Variants in SIK3 observed in about 807,000 individuals in gnomAD.
The protein encoded by SIK3 is SIK family kinase 3.
SIK3 carries 28 observed loss-of-function variants against 144.2 expected under a neutral mutation model. That is an observed-to-expected ratio of 0.19 (90% CI 0.14 to 0.27). The LOEUF (loss-of-function observed/expected upper bound fraction) is 0.27. SIK3 is among the 10% of genes least tolerant of loss of function. The pLI is 1.00. For synonymous variants in SIK3, 686 were observed against 676.3 expected, an observed-to-expected ratio of 1.01 and a Z score of -0.22; for missense variants, 1,319 against 1,776.0, an observed-to-expected ratio of 0.74 and a Z score of 4.62.
intron 1 of SIK3, among the ~76,000 whole-genome samples, chr11:116,988,088 A>G (rs1389898987): frequency 6.6e-6 from 1 of 152,182 alleles, no homozygotes; most frequent in Non-Finnish European, 1.5e-5. Context: ...AGCAAAGCCT[A>G]AGTACAAAAT....
At chr11:117,021,451 G>A (rs773295722) in intron 1 of SIK3, among the ~76,000 whole-genome samples, 2 of 152,096 alleles carry the variant, frequency 1.3e-5, no homozygotes, top group East Asian at 1.9e-4. Context: ...TCCGTAGCAC[G>A]CTGATGAGGT....
At chr11:117,091,391 A>C (rs1955243858) in intron 1 of SIK3, among the ~76,000 whole-genome samples, 2 of 151,698 alleles carry the variant, frequency 1.3e-5, no homozygotes, top group South Asian at 4.2e-4. Context: ...TTTTTAGTAA[A>C]AACAGGGTTT....
At chr11:116,972,709 C>T (rs11216206) in intron 1 of SIK3, among the ~76,000 whole-genome samples, 1 of 151,834 alleles carries the variant, frequency 6.6e-6, no homozygotes, top group Admixed American at 6.6e-5. Context: ...ACTATGTACC[C>T]TCAAAAAAAA....
chr11:117,017,657 GA>G (rs1376101569), intron 1 of SIK3, among the ~76,000 whole-genome samples: 2 of 151,716 alleles, frequency 1.3e-5, no homozygotes, highest in African/African-American at 2.4e-5. Flanking sequence ...CATTCTAGTA[GA>G]AAAAAAACTG....
chr11:117,031,521 T>A (rs112194260), intron 1 of SIK3, among the ~76,000 whole-genome samples: 2 of 78,260 alleles, frequency 2.6e-5, no homozygotes, highest in Admixed American at 1.3e-4. Context: ...ATTTTATTTT[T>A]ATTTTATTTA....
intron 1 of SIK3, among the ~76,000 whole-genome samples, chr11:116,990,026 C>T (rs1038187026): frequency 6.6e-6 from 1 of 152,138 alleles, no homozygotes; most frequent in Admixed American, 6.5e-5. Context: ...TGGCAAAAGA[C>T]CTTTTCTTCT....
At chr11:116,993,817 G>A (rs1313849754) in intron 1 of SIK3, among the ~76,000 whole-genome samples, 1 of 152,188 alleles carries the variant, frequency 6.6e-6, no homozygotes, top group East Asian at 1.9e-4. Context: ...AAGATGTACA[G>A]CAAAGAGACC....
intron 3 of SIK3, among the ~76,000 whole-genome samples, chr11:116,938,899 A>C (rs1425975776): frequency 6.6e-6 from 1 of 152,178 alleles, no homozygotes; most frequent in Non-Finnish European, 1.5e-5. Flanking sequence ...AAATATACTA[A>C]AATCCATAAT....
chr11:117,023,525 C>G (rs1469243387), intron 1 of SIK3, among the ~76,000 whole-genome samples: 1 of 148,590 alleles, frequency 6.7e-6, no homozygotes, highest in Non-Finnish European at 1.5e-5. Flanking sequence ...CTAGTCTCAA[C>G]CTCCCTGGTA....
chr11:117,004,852 G>A (rs1436792714), intron 1 of SIK3, among the ~76,000 whole-genome samples: 2 of 152,228 alleles, frequency 1.3e-5, no homozygotes, highest in African/African-American at 4.8e-5. Flanking sequence ...AAGCCTATGG[G>A]AAAACAAAGA....
At chr11:117,041,388 G>A (rs1311578466) in intron 1 of SIK3, among the ~76,000 whole-genome samples, 1 of 152,088 alleles carries the variant, frequency 6.6e-6, no homozygotes, top group Non-Finnish European at 1.5e-5. Flanking sequence ...GGATCCACAA[G>A]ACACTGGTAC....
At chr11:116,974,472 C>T (rs1337488174) in intron 1 of SIK3, among the ~76,000 whole-genome samples, 3 of 152,134 alleles carry the variant, frequency 2.0e-5, no homozygotes, top group Non-Finnish European at 4.4e-5. Flanking sequence ...GGCACGATCA[C>T]AGTTCACTAC....
chr11:116,949,942 G>T (rs942722187), intron 3 of SIK3, among the ~76,000 whole-genome samples: 1 of 152,108 alleles, frequency 6.6e-6, no homozygotes, highest in Non-Finnish European at 1.5e-5. Context: ...TGGAGCTGGG[G>T]TTGGGGACAA....
chr11:116,950,587 T>C (rs920939889), intron 3 of SIK3, among the ~76,000 whole-genome samples: 3 of 152,216 alleles, frequency 2.0e-5, no homozygotes, highest in African/African-American at 7.2e-5. Context: ...TAATTTTCTA[T>C]TGTTCTGTTT....
intron 1 of SIK3, among the ~76,000 whole-genome samples, chr11:117,011,186 AAG>A (rs1276387836): frequency 1.3e-5 from 2 of 152,138 alleles, no homozygotes; most frequent in African/African-American, 2.4e-5. Context: ...AAGAAGAAAA[AAG>A]AGATGAAATC....
chr11:116,998,776 C>A lies in SIK3; in HGVS notation c.274-41712G>T, dbSNP rs538498221. On this transcript the variant is annotated intron_variant, in intron 1 of 24. Coordinates refer to ENST00000445177, the MANE Select transcript of SIK3 (RefSeq NM_001366686.3). ...TCTGCTCTTTCCACAACTCTAAGAG[C>A]ACTGAAATTTTTAGAGCCACAGAAT... 8.5e-5 allele frequency among the ~76,000 whole-genome samples: 13 copies of A among 152,252 alleles called. No homozygotes were observed. In the South Asian group the frequency reaches 2.5e-3, roughly 29 times the overall value.
intron 4 of SIK3, among the ~76,000 whole-genome samples, chr11:116,912,019 T>A (rs1198401345): frequency 6.6e-6 from 1 of 152,214 alleles, no homozygotes; most frequent in East Asian, 1.9e-4. Flanking sequence ...GTTGGTCTCT[T>A]CATGTGGCCA....
intron 1 of SIK3, among the ~76,000 whole-genome samples, chr11:117,021,963 C>CAAAAAAAAAAAAAAAAAAAAAAAAAAAA (rs1951795936): frequency 1.4e-5 from 1 of 73,378 alleles, no homozygotes; most frequent in Non-Finnish European, 3.0e-5. Context: ...AAAAAAAAAC[C>CAAAAAAAAAAAAAAAAAAAAAAAAAAAA]TAAAAATAAC....
intron 9 of SIK3, 38 bp from the exon 10 acceptor site, chr11:116,875,489 A>T (rs1565395698): frequency 6.3e-7 from 1 of 1,585,128 alleles, no homozygotes; most frequent in Admixed American, 1.7e-5. Flanking sequence ...CATACCTTTA[A>T]CACTAGAGAG....
Sources: allele counts gnomAD v4.1 joint callset (sites outside exome capture counted in the v4.1 genomes callset), GRCh38; gene constraint gnomAD v4.1.1; transcripts MANE v1.5; gene names NCBI Gene and HGNC (gene_info 2026-07-23, HGNC 2026-07-21).